The following SORCS2 variants were observed in gnomAD, a reference collection of about 807,000 sequenced individuals.
The protein encoded by SORCS2 is VPS10 domain-containing receptor SorCS2.
Under a neutral mutation model 141.6 loss-of-function variants are expected in SORCS2, and 100 were observed. The ratio of observed to expected loss-of-function variants is 0.71; its 90% CI spans 0.60 to 0.83. The LOEUF (loss-of-function observed/expected upper bound fraction) is 0.83, where lower values mean the gene tolerates loss of function less well. Ranked by LOEUF, SORCS2 falls within the 40% of genes least tolerant of loss-of-function variation. The pLI, the probability that SORCS2 is intolerant of heterozygous loss-of-function variation, is 0.00. For missense variants in SORCS2, 1,646 were observed against 1,560.2 expected, an observed-to-expected ratio of 1.05 and a Z score of -0.93; for synonymous variants, 789 against 676.9, an observed-to-expected ratio of 1.17 and a Z score of -2.57.
intron 1 of SORCS2, among the ~76,000 whole-genome samples, chr4:7,382,363 T>C (rs1723042226): frequency 6.6e-6 from 1 of 152,126 alleles, no homozygotes; most frequent in South Asian, 2.1e-4. Context: ...GGTTGTACAG[T>C]GAGTTCCCAA....
intron 1 of SORCS2, among the ~76,000 whole-genome samples, chr4:7,325,019 T>C (rs1286572867): frequency 6.6e-6 from 1 of 152,036 alleles, no homozygotes; most frequent in Non-Finnish European, 1.5e-5. Context: ...CAGAAGGCAG[T>C]GGGGATGTGG....
At chr4:7,224,594 C>T (rs986659339) in intron 1 of SORCS2, among the ~76,000 whole-genome samples, 1 of 152,224 alleles carries the variant, frequency 6.6e-6, no homozygotes, top group Non-Finnish European at 1.5e-5. Context: ...TGAGAACTCA[C>T]TTCCTGTACA....
intron 1 of SORCS2, among the ~76,000 whole-genome samples, chr4:7,278,141 A>G (rs776637127): frequency 5.9e-5 from 9 of 152,138 alleles, no homozygotes; most frequent in Non-Finnish European, 1.2e-4. Context: ...TTATTCATCT[A>G]CAGCCCCACG....
At chr4:7,571,451 G>C (rs1715388684) in intron 3 of SORCS2, among the ~76,000 whole-genome samples, 1 of 152,218 alleles carries the variant, frequency 6.6e-6, no homozygotes, top group Admixed American at 6.5e-5. Flanking sequence ...AGTGTTTGAT[G>C]AGAATAGCTC....
At chr4:7,617,015 C>A (rs1324850346) in intron 3 of SORCS2, among the ~76,000 whole-genome samples, 2 of 152,236 alleles carry the variant, frequency 1.3e-5, no homozygotes, top group African/African-American at 4.8e-5. Context: ...CTTCTCTCCA[C>A]ACCAAAGGTG....
chr4:7,729,492 G>A, intron 22 of SORCS2, 95 bp from the exon 23 acceptor site: 1 of 1,471,630 alleles, frequency 6.8e-7, no homozygotes, highest in Non-Finnish European at 9.1e-7. Flanking sequence ...CAGGTGTACA[G>A]GCCAAGAAGG....
intron 1 of SORCS2, among the ~76,000 whole-genome samples, chr4:7,270,525 G>A (rs1257540359): frequency 2.0e-5 from 3 of 152,144 alleles, no homozygotes; most frequent in Admixed American, 6.5e-5. Context: ...CCGCAGCTAC[G>A]GGTCCTCACA....
intron 2 of SORCS2, chr4:7,434,621 T>C (rs759249525): frequency 6.2e-7 from 1 of 1,613,414 alleles, no homozygotes; most frequent in Non-Finnish European, 8.5e-7. Context: ...AAAGCCAGGA[T>C]GTCAGACTCC....
At chr4:7,574,724 T>A (rs377109228) in intron 3 of SORCS2, among the ~76,000 whole-genome samples, 2 of 152,108 alleles carry the variant, frequency 1.3e-5, no homozygotes, top group South Asian at 2.1e-4. Flanking sequence ...GGGCAGGGCC[T>A]TTTAGGTCAA....
chr4:7,540,784 C>T (rs1712581717), intron 3 of SORCS2, among the ~76,000 whole-genome samples: 1 of 152,226 alleles, frequency 6.6e-6, no homozygotes, highest in Admixed American at 6.5e-5. Context: ...CCCCCCTGCC[C>T]CCCGCACCCC....
chr4:7,553,703 G>C (rs1450352388), intron 3 of SORCS2, among the ~76,000 whole-genome samples: 4 of 152,230 alleles, frequency 2.6e-5, no homozygotes, highest in Admixed American at 2.6e-4. Context: ...GTTGTTGTGA[G>C]AATGGATGGA....
chr4:7,459,371 A>C (rs981004196), intron 2 of SORCS2, among the ~76,000 whole-genome samples: 2 of 152,150 alleles, frequency 1.3e-5, no homozygotes, highest in African/African-American at 4.8e-5. Context: ...CAGGCACAGA[A>C]AGGCGGTGGT....
In SORCS2 at chr4:7,209,498, C is replaced by T. The variant is rs1391766192; in HGVS notation, c.480+16372C>T. 3.9e-5 allele frequency among the ~76,000 whole-genome samples: 6 copies of T among 152,120 alleles called. No individual in the cohort carries two copies. In the East Asian group the frequency reaches 5.8e-4, roughly 15 times the overall value. Reference sequence around the variant, plus strand: ...ATCCCCTTCCGGAAACGGTCCCTGCCGGGACCCCAGCGTGAGGCTGGCTTC... The same window carrying T: ...ATCCCCTTCCGGAAACGGTCCCTGCTGGGACCCCAGCGTGAGGCTGGCTTC... On this transcript the variant is annotated intron_variant, in intron 1 of 26. Transcript: ENST00000507866.
intron 9 of SORCS2, among the ~76,000 whole-genome samples, chr4:7,677,930 C>T (rs572929423): frequency 3.3e-5 from 5 of 152,226 alleles, no homozygotes; most frequent in African/African-American, 1.2e-4. Context: ...GACCTGCCTC[C>T]GGAAGGCAGT....
intron 3 of SORCS2, among the ~76,000 whole-genome samples, chr4:7,563,586 G>T (rs888245607): frequency 1.3e-5 from 2 of 152,142 alleles, no homozygotes; most frequent in Admixed American, 1.3e-4. Flanking sequence ...AGGGGAATCT[G>T]ACCCAGCTCC....
At chr4:7,731,581 A>G (rs1037732738) in intron 23 of SORCS2, among the ~76,000 whole-genome samples, 4 of 152,280 alleles carry the variant, frequency 2.6e-5, no homozygotes, top group Non-Finnish European at 4.4e-5. Context: ...ACAAAGTTAC[A>G]GTAATCCAAA....
intron 2 of SORCS2, among the ~76,000 whole-genome samples, chr4:7,423,821 A>AT (rs1726246263): frequency 6.6e-6 from 1 of 152,200 alleles, no homozygotes. Flanking sequence ...AGGAAAACAA[A>AT]CAAACAAACC....
intron 8 of SORCS2, 111 bp from the exon 9 acceptor site, chr4:7,675,939 C>G (rs1024322466): frequency 7.9e-7 from 1 of 1,264,484 alleles, no homozygotes; most frequent in Non-Finnish European, 1.1e-6. Context: ...AGGCTGGCTC[C>G]AGGAGAGCCA....
intron 2 of SORCS2, among the ~76,000 whole-genome samples, chr4:7,524,451 AC>A (rs376938329): frequency 9.8e-4 from 149 of 152,090 alleles, no homozygotes; most frequent in Middle Eastern, 6.8e-3. Flanking sequence ...TGGGACCCTA[AC>A]CCATCACCTC....
Sources: allele counts gnomAD v4.1 joint callset (sites outside exome capture counted in the v4.1 genomes callset), GRCh38; gene constraint gnomAD v4.1.1; transcripts MANE v1.5; gene names NCBI Gene and HGNC (gene_info 2026-07-23, HGNC 2026-07-21).